The following TMPRSS5 variants were observed in gnomAD, a reference collection of about 807,000 sequenced individuals.
TMPRSS5 encodes transmembrane protease serine 5.
A neutral mutation model predicts 59.7 loss-of-function variants in TMPRSS5; 45 were observed. That is an observed-to-expected ratio of 0.75 (90% CI 0.59 to 0.97). TMPRSS5 has a LOEUF of 0.97. Ranked by LOEUF, TMPRSS5 falls within the 50% of genes least tolerant of loss-of-function variation. TMPRSS5 has a pLI of 0.00. For missense variants in TMPRSS5, 585 were observed against 596.7 expected (o/e 0.98, Z 0.20); for synonymous variants, 225 against 232.0 (o/e 0.97, Z 0.27).
chr11:113,692,239 T>C (rs1952803039), intron 9 of TMPRSS5, among the ~76,000 whole-genome samples: 1 of 136,622 alleles, frequency 7.3e-6, no homozygotes, highest in Admixed American at 7.4e-5. Context: ...ATTTGTGAAA[T>C]GTGTATGGCA....
chr11:113,691,065 G>T, intron 9 of TMPRSS5, 126 bp from the exon 10 acceptor site: 1 of 848,338 alleles, frequency 1.2e-6, no homozygotes, highest in Non-Finnish European at 1.8e-6. Flanking sequence ...TGGCTCCTGG[G>T]TTCCACCAGC....
chr11:113,699,068 G>A (rs781000720), intron 3 of TMPRSS5, 41 bp from the exon 4 acceptor site: 4 of 1,597,798 alleles, frequency 2.5e-6, no homozygotes, highest in Admixed American at 1.7e-5. Flanking sequence ...ATTTCCAAAG[G>A]AAGGTGTCAA....
intron 4 of TMPRSS5, 71 bp from the exon 5 acceptor site, chr11:113,697,489 C>T: frequency 1.3e-6 from 2 of 1,557,814 alleles, no homozygotes; most frequent in South Asian, 1.2e-5. Context: ...GAGCTGGACC[C>T]AGGATTCTGT....
At chr11:113,697,457 T>C (rs199638667) in intron 4 of TMPRSS5, 39 bp from the exon 5 acceptor site, 10 of 1,606,270 alleles carry the variant, frequency 6.2e-6, no homozygotes, top group Non-Finnish European at 7.7e-6. Context: ...GAGAGGATGG[T>C]GGTGGTAGGG....
At chr11:113,693,900 T>A (rs1476976313) in intron 8 of TMPRSS5, among the ~76,000 whole-genome samples, 1 of 152,158 alleles carries the variant, frequency 6.6e-6, no homozygotes, top group Non-Finnish European at 1.5e-5. Context: ...AATAATTACA[T>A]GGAAAATGAT....
intron 1 of TMPRSS5, among the ~76,000 whole-genome samples, chr11:113,704,552 G>C (rs1299939467): frequency 6.6e-6 from 1 of 152,064 alleles, no homozygotes. Flanking sequence ...GCCAGCACTT[G>C]CTCCCTCCAC....
At chr11:113,699,454 T>C in intron 3 of TMPRSS5, 141 bp downstream of exon 3, 1 of 700,824 alleles carries the variant, frequency 1.4e-6, no homozygotes, top group South Asian at 1.9e-5. Context: ...AGATCCCTCC[T>C]GCTGCAATTT....
chr11:113,696,569 G>A (rs1952933535), intron 6 of TMPRSS5, among the ~76,000 whole-genome samples: 1 of 152,188 alleles, frequency 6.6e-6, no homozygotes, highest in African/African-American at 2.4e-5. Flanking sequence ...ACCTTATTAA[G>A]CCTCAGTTTC....
chr11:113,700,097 G>A lies in TMPRSS5; in HGVS notation c.75C>T (p.Phe25=). Residue 25 remains phenylalanine (F), a synonymous_variant, in exon 2 of 13, where the codon TTC becomes TTT. Coordinates refer to ENST00000299882, the MANE Select transcript of TMPRSS5 (RefSeq NM_030770.4). ...YAEEGPGPGI[F]RAEPGDQQHP... ...GCTGCTGGTCTCCAGGCTCTGCTCT[G>A]AAGATCCCAGGTCCTGGGCCCTCCT... 1.9e-6 allele frequency: 3 copies of A among 1,577,656 alleles called. No individual in the cohort carries two copies. Among genetic ancestry groups the A allele is most frequent in the East Asian group, 4.6e-5 (2 of 43,768 alleles).
chr11:113,701,789 T>A lies in TMPRSS5; in HGVS notation c.4-1621A>T, dbSNP rs375303630. Among the ~76,000 whole-genome samples the A allele has an allele frequency of 6.2e-5, 9 of 146,212 alleles. No homozygotes were observed. The South Asian group carries it at 6.5e-4, about 11-fold the overall frequency. On this transcript the variant is annotated intron_variant, in intron 1 of 12. Coordinates refer to ENST00000299882, the MANE Select transcript of TMPRSS5 (RefSeq NM_030770.4). ...TGACATATAGTCTTTCTTTTTTTTTTAATTTTTTTATTTTACTTTAACTTC... is the reference window on the plus strand; with the variant it reads ...TGACATATAGTCTTTCTTTTTTTTTAAATTTTTTTATTTTACTTTAACTTC...
Position 113,694,620 on chromosome 11 carries a change from C to T in TMPRSS5, c.643G>A (p.Ala215Thr), listed in dbSNP as rs1489515620. 2 of 1,548,622 alleles carry T rather than the reference C, an allele frequency of 1.3e-6. No homozygotes were observed. Among genetic ancestry groups the T allele is most frequent in the Non-Finnish European group, 1.7e-6 (2 of 1,146,396 alleles). ...GACTGCCCACCAACTATCCGGGAAG[C>T]CAGGGGCCTCGCTCCACACTCTGCC... Reference protein sequence around the residue: ...RCSECGARPLASRIVGGQSVA... With the variant: ...RCSECGARPLTSRIVGGQSVA... The change falls in exon 8 of 13, where the codon GCT becomes ACT. Residue 215 changes from alanine to threonine, a missense_variant. Coordinates refer to ENST00000299882, the MANE Select transcript of TMPRSS5 (RefSeq NM_030770.4).
intron 2 of TMPRSS5, 106 bp from the exon 3 acceptor site, chr11:113,699,799 G>A: frequency 3.6e-6 from 5 of 1,399,920 alleles, no homozygotes; most frequent in Non-Finnish European, 4.9e-6. Flanking sequence ...AGCTCCAACA[G>A]GACACCTCCT....
chr11:113,699,261 CT>C (rs1953040298), intron 3 of TMPRSS5, among the ~76,000 whole-genome samples: 1 of 80,210 alleles, frequency 1.2e-5, no homozygotes. Flanking sequence ...CTCTCTCTCT[CT>C]CTCTCTCTCC....
In TMPRSS5 at chr11:113,694,600, C is replaced by A. The variant is rs17115841; in HGVS notation, c.663G>T (p.Gly221=). The change falls in exon 8 of 13, where the codon GGG becomes GGT. Residue 221 remains glycine (G), a synonymous_variant. Coordinates refer to ENST00000299882, the MANE Select transcript of TMPRSS5 (RefSeq NM_030770.4). ...ARPLASRIVG[G]QSVAPGRWPW... ...GCCAGCGCCCAGGAGCCACAGACTGCCCACCAACTATCCGGGAAGCCAGGG... is the reference window on the plus strand; with the variant it reads ...GCCAGCGCCCAGGAGCCACAGACTGACCACCAACTATCCGGGAAGCCAGGG... 113,675 of 1,552,754 alleles carry A rather than the reference C, an allele frequency of 0.073. 5,012 individuals carry two copies. The highest frequency in any genetic ancestry group is 0.2 in the African/African-American group (14,687 of 72,898).
chr11:113,687,625 A>C lies in TMPRSS5; in HGVS notation c.*635T>G, dbSNP rs1952643623. 6.6e-6 allele frequency: 1 copy of C among 152,384 alleles called. No individual in the cohort carries two copies. Among genetic ancestry groups the C allele is most frequent in the Admixed American group, 6.5e-5 (1 of 15,294 alleles). The allele number at this position is 152,384 out of a possible 1,614,324, so 9.4% of individuals were successfully genotyped here. On this transcript the variant is annotated 3_prime_UTR_variant, in exon 13 of 13. Transcript: ENST00000299882. ...AACTGTCATTTAAAACCAATGTCCTAGACCAACTCCAACCTTCTTGTTTTC... is the reference window on the plus strand; with the variant it reads ...AACTGTCATTTAAAACCAATGTCCTCGACCAACTCCAACCTTCTTGTTTTC...
At position 113,698,954 on chromosome 11, in the gene TMPRSS5, G is replaced by A; in HGVS notation, c.279C>T (p.Cys93=). Reference sequence around the variant, plus strand: ...GAGCTTCCTCAGCGCTGGCCTCTGAGCAGCTCAAAGTTATCTCCTCATCCT... The same window carrying A: ...GAGCTTCCTCAGCGCTGGCCTCTGAACAGCTCAAAGTTATCTCCTCATCCT... ...TLQDEEITLS[C]SEASAEEALL... The change falls in exon 4 of 13, where the codon TGC becomes TGT. Residue 93 remains cysteine (C), a synonymous_variant. Coordinates refer to ENST00000299882, the MANE Select transcript of TMPRSS5 (RefSeq NM_030770.4). The A allele has an allele frequency of 1.2e-6, 2 of 1,601,342 alleles. No individual in the cohort carries two copies. The highest frequency in any genetic ancestry group is 2.3e-5 in the East Asian group (1 of 44,408).
intron 9 of TMPRSS5, among the ~76,000 whole-genome samples, chr11:113,691,825 T>C (rs1382604388): frequency 1.3e-5 from 2 of 151,016 alleles, no homozygotes; most frequent in South Asian, 4.2e-4. Context: ...GATACTAATA[T>C]AGTCGTATTT....
rs747855794 is a variant in TMPRSS5 at position 113,700,142 on chromosome 11, AG to A, written c.29del (p.Pro10LeufsTer59). 1.0e-5 allele frequency: 16 copies of A among 1,578,648 alleles called. No individual in the cohort carries two copies. The Admixed American group carries it at 1.6e-4, about 16-fold the overall frequency. ...CCTCCTCTGCATACTGGGCCTCCAT[AG>A]GGGGTTGGTCATCCAGCATCAGGCT... MSLMLDDQP[P>X]MEAQYAEEGP... is the part of the protein sequence containing the mutation. On this transcript the variant is annotated frameshift_variant, in exon 2 of 13. Transcript: ENST00000299882. LOFTEE classifies it high-confidence loss of function.
rs115577137 is a variant in TMPRSS5, at chr11:113,690,294, G to A, written c.1143C>T (p.Ser381=). 1.8e-3 allele frequency: 2,862 copies of A among 1,584,418 alleles called. 42 individuals carry two copies. The African/African-American group carries it at 0.034, about 19-fold the overall frequency. The part of the protein sequence containing the change: ...TQLCNSSCVY[S]GALTPRMLCA... The stretch of plus-strand genomic sequence containing the variant: ...AAAGCATGCGGGGGGTGAGGGCTCC[G>A]CTGTACACGCAAGAGCTGTTGCAGA... Residue 381 remains serine (S), a synonymous_variant, in exon 11 of 13, where the codon AGC becomes AGT. Coordinates refer to ENST00000299882, the MANE Select transcript of TMPRSS5 (RefSeq NM_030770.4).
Sources: gnomAD v4.1 joint callset for allele counts (sites outside exome capture counted in the v4.1 genomes callset) on GRCh38, gnomAD v4.1.1 for gene constraint, MANE v1.5 for transcripts, NCBI Gene and HGNC (gene_info 2026-07-23, HGNC 2026-07-21) for gene names.